The following CPEB3 variants were observed in gnomAD, a reference collection of about 807,000 sequenced individuals.
The protein encoded by CPEB3 is cytoplasmic polyadenylation element binding protein 3, also known as cytoplasmic polyadenylation element-binding protein 3.
A neutral mutation model predicts 67.2 loss-of-function variants in CPEB3; 20 were observed. That is an observed-to-expected ratio of 0.30 (90% CI 0.21 to 0.43). CPEB3 has a LOEUF of 0.43. Ranked by LOEUF, CPEB3 falls within the 20% of genes least tolerant of loss-of-function variation. CPEB3 has a pLI of 1.00. For missense variants in CPEB3, 746 were observed against 968.6 expected (o/e 0.77, Z 3.05); for synonymous variants, 376 against 393.1 (o/e 0.96, Z 0.51).
intron 8 of CPEB3, among the ~76,000 whole-genome samples, chr10:92,082,365 A>G (rs546109950): frequency 1.8e-4 from 28 of 151,796 alleles, no homozygotes; most frequent in African/African-American, 6.3e-4. Flanking sequence ...GCTCACTACA[A>G]CCTCCCCGGT....
chr10:92,190,128 A>G (rs1300896467), intron 3 of CPEB3, among the ~76,000 whole-genome samples: 1 of 151,920 alleles, frequency 6.6e-6, no homozygotes, highest in Non-Finnish European at 1.5e-5. Context: ...AAATACAAAA[A>G]TTAGCTGGTA....
chr10:92,144,841 C>G (rs1355615956), intron 5 of CPEB3, 104 bp downstream of exon 5: 1 of 997,908 alleles, frequency 1.0e-6, no homozygotes, highest in Non-Finnish European at 1.5e-6. Context: ...CTCCTATGCA[C>G]TAAGATATAG....
intron 2 of CPEB3, among the ~76,000 whole-genome samples, chr10:92,237,261 G>T (rs546607677): frequency 6.6e-6 from 1 of 152,120 alleles, no homozygotes; most frequent in East Asian, 1.9e-4. Flanking sequence ...TTATGAAAAA[G>T]AAATGAGACA....
intron 6 of CPEB3, among the ~76,000 whole-genome samples, chr10:92,119,913 T>C (rs1236266710): frequency 6.6e-6 from 1 of 151,680 alleles, no homozygotes; most frequent in African/African-American, 2.4e-5. Flanking sequence ...AAGAAAAAAA[T>C]CTAAGTGCAA....
chr10:92,133,967 G>A (rs1468308382), intron 6 of CPEB3, among the ~76,000 whole-genome samples: 2 of 152,080 alleles, frequency 1.3e-5, no homozygotes, highest in Non-Finnish European at 2.9e-5. Context: ...AAATTCAGCA[G>A]CCCTTCATGC....
intron 4 of CPEB3, among the ~76,000 whole-genome samples, chr10:92,166,486 G>A (rs749222614): frequency 5.9e-5 from 9 of 152,134 alleles, no homozygotes; most frequent in Non-Finnish European, 8.8e-5. Flanking sequence ...AATGGATGAC[G>A]TATTAGCAGT....
At chr10:92,134,295 A>C (rs1310429517) in intron 6 of CPEB3, among the ~76,000 whole-genome samples, 1 of 152,166 alleles carries the variant, frequency 6.6e-6, no homozygotes, top group Non-Finnish European at 1.5e-5. Context: ...AATCTCCTTA[A>C]GCTGATAAGC....
chr10:92,102,926 A>G (rs766965064), intron 7 of CPEB3, among the ~76,000 whole-genome samples: 12 of 152,186 alleles, frequency 7.9e-5, no homozygotes, highest in Non-Finnish European at 1.6e-4. Flanking sequence ...ATTGGACTCT[A>G]AGATCCTCTA....
At chr10:92,218,824 TC>T (rs1479363273) in intron 2 of CPEB3, among the ~76,000 whole-genome samples, 4 of 152,118 alleles carry the variant, frequency 2.6e-5, no homozygotes, top group African/African-American at 9.6e-5. Context: ...TTTTTTTTTT[TC>T]TCTTTTCAGA....
At chr10:92,131,228 C>A (rs1845830121) in intron 6 of CPEB3, among the ~76,000 whole-genome samples, 1 of 152,116 alleles carries the variant, frequency 6.6e-6, no homozygotes, top group Non-Finnish European at 1.5e-5. Context: ...TCTCACTGGT[C>A]CATCTCAACA....
chr10:92,216,673 G>A, intron 2 of CPEB3: 2 of 1,606,710 alleles, frequency 1.2e-6, no homozygotes, highest in South Asian at 2.2e-5. Flanking sequence ...AGACGGACCT[G>A]GGTGCAGCCA....
At chr10:92,111,258 T>TA (rs1844727054) in intron 6 of CPEB3, 64 bp from the exon 7 acceptor site, 2 of 1,044,266 alleles carry the variant, frequency 1.9e-6, no homozygotes, top group Non-Finnish European at 3.0e-6. Context: ...AAGTACCAAT[T>TA]ACAAATTATC....
intron 9 of CPEB3, among the ~76,000 whole-genome samples, chr10:92,078,624 C>T (rs1438171670): frequency 2.6e-5 from 4 of 152,180 alleles, no homozygotes; most frequent in Non-Finnish European, 5.9e-5. Context: ...GAGATATAAA[C>T]AGTATATGGT....
At chr10:92,220,389 G>A (rs1429475620) in intron 2 of CPEB3, among the ~76,000 whole-genome samples, 1 of 152,036 alleles carries the variant, frequency 6.6e-6, no homozygotes, top group African/African-American at 2.4e-5. Flanking sequence ...TACTTAGATT[G>A]TGTTTCTGCA....
intron 6 of CPEB3, among the ~76,000 whole-genome samples, chr10:92,134,421 A>C (rs1430876974): frequency 6.6e-6 from 1 of 151,934 alleles, no homozygotes; most frequent in Non-Finnish European, 1.5e-5. Flanking sequence ...CAACTGCTTC[A>C]AAGAGAATAA....
chr10:92,160,560 A>G (rs536343238), intron 4 of CPEB3, among the ~76,000 whole-genome samples: 14 of 152,168 alleles, frequency 9.2e-5, no homozygotes, highest in Admixed American at 4.6e-4. Flanking sequence ...TGACAACCCA[A>G]TGAAAAATCT....
chr10:92,120,600 A>G (rs1336769910), intron 6 of CPEB3, among the ~76,000 whole-genome samples: 1 of 152,182 alleles, frequency 6.6e-6, no homozygotes, highest in Non-Finnish European at 1.5e-5. Context: ...CAAAAAACAA[A>G]AAACAAAAGA....
At chr10:92,229,093 G>A (rs1211078981) in intron 2 of CPEB3, among the ~76,000 whole-genome samples, 1 of 151,472 alleles carries the variant, frequency 6.6e-6, no homozygotes, top group Admixed American at 6.6e-5. Context: ...GCACAATCAT[G>A]GCTCACTATA....
chr10:92,281,559 T>G (rs1001419294), intron 1 of CPEB3, among the ~76,000 whole-genome samples: 1 of 152,180 alleles, frequency 6.6e-6, no homozygotes, highest in Non-Finnish European at 1.5e-5. Context: ...AGTCTCTCTT[T>G]CAGGTAAAAA....
Sources: allele counts gnomAD v4.1 joint callset (sites outside exome capture counted in the v4.1 genomes callset), GRCh38; gene constraint gnomAD v4.1.1; transcripts MANE v1.5; gene names NCBI Gene and HGNC (gene_info 2026-07-23, HGNC 2026-07-21).